Variants in OR13G1 observed in about 807,000 individuals in gnomAD.
The protein encoded by OR13G1 is olfactory receptor 13G1.
For synonymous variants in OR13G1, 128 were observed against 136.2 expected (o/e 0.94, Z 0.42); for missense variants, 369 against 385.7 (o/e 0.96, Z 0.36).
At position 247,672,429 on chromosome 1, in the gene OR13G1, T is replaced by C; in HGVS notation, c.613A>G (p.Ile205Val). The C allele has an allele frequency of 6.2e-7, 1 of 1,614,096 alleles. No homozygotes were observed. Among genetic ancestry groups the C allele is most frequent in the Non-Finnish European group, 8.5e-7 (1 of 1,179,992 alleles). Residue 205 changes from isoleucine (I) to valine (V), a missense_variant, in exon 2 of 2, where the codon ATA becomes GTA. By Grantham distance (29) the Ile-to-Val change is conservative. Transcript: ENST00000642119. ...ATGCAGGTAAGAATAAAGTCCCCTA[T>C]GGCCAGGGTAATATCAGCAACATAC... is the stretch of plus-strand genomic sequence containing the variant. ...MVYVADITLAIGDFILTCISY... is the reference protein window; with the variant it reads ...MVYVADITLAVGDFILTCISY...
rs1399973151 is a variant in OR13G1 at position 247,679,632 on chromosome 1, A to T, written c.-239+8T>A. On this transcript the variant is annotated splice_region_variant and intron_variant, in intron 1 of 1. Coordinates refer to ENST00000642119, the MANE Select transcript of OR13G1 (RefSeq NM_001005487.2). Reference sequence around the variant, plus strand: ...TAAGAATTAGACAGTCTGCCCACAAATACTCACTGTAGTTTTTTGCAGAGT... The same window carrying T: ...TAAGAATTAGACAGTCTGCCCACAATTACTCACTGTAGTTTTTTGCAGAGT... 6.6e-6 allele frequency: 1 copy of T among 152,090 alleles called. No homozygotes were observed. The highest frequency in any genetic ancestry group is 1.5e-5 in the Non-Finnish European group (1 of 68,026). The allele number at this position is 152,090 out of a possible 1,614,324, so 9.4% of individuals were successfully genotyped here. A position where few individuals can be genotyped will look rare whatever the true frequency, so the allele number is the denominator to read the frequency against.
In OR13G1 at chr1:247,673,043, C is replaced by T; in HGVS notation, c.-2G>A. ...CTCAGTTACAACGCTGTGATTCATC[C>T]TGCTTGGGTGATTGAATGGCAGTAA... On this transcript the variant is annotated 5_prime_UTR_variant, in exon 2 of 2. Coordinates refer to ENST00000642119, the MANE Select transcript of OR13G1 (RefSeq NM_001005487.2). 2.5e-6 allele frequency: 4 copies of T among 1,598,984 alleles called. No homozygotes were observed. The highest frequency in any genetic ancestry group is 2.3e-5 in the South Asian group (2 of 88,420).
chr1:247,677,802 G>A (rs1151666), intron 1 of OR13G1, among the ~76,000 whole-genome samples: 76,846 of 151,698 alleles, frequency 0.51, 19,528 homozygotes, highest in Admixed American at 0.61. Flanking sequence ...GAATCATGAG[G>A]ATAAGTTTAA....
At position 247,671,749 on chromosome 1, in the gene OR13G1, C is replaced by T. The variant is rs1659207929; in HGVS notation, c.*369G>A. On this transcript the variant is annotated 3_prime_UTR_variant, in exon 2 of 2. Transcript: ENST00000642119. ...CTTCTCTCCAGCTCACATTCACATA[C>T]CAACAAATAAATGGCACAAAATACA... 9.8e-6 allele frequency: 2 copies of T among 203,914 alleles called. No individual in the cohort carries two copies. Among genetic ancestry groups the T allele is most frequent in the South Asian group, 2.0e-4 (2 of 10,230 alleles). 12.6% of individuals were successfully genotyped at this position (203,914 alleles called of 1,614,324 possible).
Position 247,672,258 on chromosome 1 carries a change from T to G in OR13G1, c.784A>C (p.Ser262Arg), listed in dbSNP as rs754379348. 1 of 1,614,090 alleles carries G rather than the reference T, an allele frequency of 6.2e-7. No homozygotes were observed. The highest frequency in any genetic ancestry group is 8.5e-7 in the Non-Finnish European group (1 of 1,179,990). ...ACCTTGTCTCTTTCAAATGTATAGC[T>G]GGAAGCAGGGCGGATATAGGTGTAG... ...VIYTYIRPASSYTFERDKVVA... is the reference protein window; with the variant it reads ...VIYTYIRPASRYTFERDKVVA... Residue 262 changes from serine to arginine, a missense_variant, in exon 2 of 2, where the codon AGC (serine) becomes CGC (arginine). By Grantham distance (110) the Ser-to-Arg change is moderately radical (BLOSUM62 -1). Transcript: ENST00000642119.
At position 247,672,283 on chromosome 1, in the gene OR13G1, G is replaced by T. The variant is rs1319853896; in HGVS notation, c.759C>A (p.Ile253=). Reference sequence around the variant, plus strand: ...TGGAAGCAGGGCGGATATAGGTGTAGATTACAGGAGAATAGTAAAGGGTCA... The same window carrying T: ...TGGAAGCAGGGCGGATATAGGTGTATATTACAGGAGAATAGTAAAGGGTCA... The part of the protein sequence containing the change: ...TVVTLYYSPV[I]YTYIRPASSY... The change falls in exon 2 of 2, where the codon ATC becomes ATA. Residue 253 remains isoleucine (I), a synonymous_variant. Transcript: ENST00000642119. 4.3e-6 allele frequency: 7 copies of T among 1,613,974 alleles called. No homozygotes were observed. Among genetic ancestry groups the T allele is most frequent in the Non-Finnish European group, 5.9e-6 (7 of 1,180,006 alleles).
chr1:247,679,486 TTGTGTGTGTGTGTGTGTGTGTGTG>T (rs56753299), intron 1 of OR13G1, among the ~76,000 whole-genome samples, 130 bp downstream of exon 1: 2 of 144,520 alleles, frequency 1.4e-5, no homozygotes, highest in Admixed American at 6.9e-5. Flanking sequence ...CGCGGATGGA[TTGTGTGTGTGTGTGTGTGTGTGTG>T]TGTGTGTGTG....
chr1:247,677,221 T>C (rs1176015), intron 1 of OR13G1, among the ~76,000 whole-genome samples: 76,413 of 151,974 alleles, frequency 0.5, 19,287 homozygotes, highest in Admixed American at 0.61. Flanking sequence ...GCAGCCTGGG[T>C]GACAGAGCCA....
chr1:247,671,827 A>T lies in OR13G1; in HGVS notation c.*291T>A. ...TGATGTGCACATGCACATATAGGTA[A>T]ATATTTGTGTATATGCATATATAAG... On this transcript the variant is annotated 3_prime_UTR_variant, in exon 2 of 2. Transcript: ENST00000642119. 1 of 346,518 alleles carries T rather than the reference A, an allele frequency of 2.9e-6. No homozygotes were observed. The allele number at this position is 346,518 out of a possible 1,614,324, so 21.5% of individuals were successfully genotyped here.
At chr1:247,676,798 A>G (rs986916867) in intron 1 of OR13G1, among the ~76,000 whole-genome samples, 12 of 152,206 alleles carry the variant, frequency 7.9e-5, no homozygotes, top group African/African-American at 2.9e-4. Context: ...CTTTATATTT[A>G]CCATTTATAC....
Position 247,670,889 on chromosome 1 carries a change from A to G in OR13G1, c.*1229T>C, listed in dbSNP as rs1053467801. 6.6e-6 allele frequency: 1 copy of G among 152,124 alleles called. No individual in the cohort carries two copies. The allele number at this position is 152,124 out of a possible 1,614,324, so 9.4% of individuals were successfully genotyped here. A position where few individuals can be genotyped will look rare whatever the true frequency, so the allele number is the denominator to read the frequency against. On this transcript the variant is annotated 3_prime_UTR_variant, in exon 2 of 2. Transcript: ENST00000642119. ...AATTGTGGAAATATATTGTAAAAAT[A>G]TGCTTTACTAATCACAGCAAATGAT...
chr1:247,672,995 T>G lies in OR13G1; in HGVS notation c.47A>C (p.Lys16Thr). 1 of 1,613,874 alleles carries G rather than the reference T, an allele frequency of 6.2e-7. No individual in the cohort carries two copies. The highest frequency in any genetic ancestry group is 8.5e-7 in the Non-Finnish European group (1 of 1,179,876). The change falls in exon 2 of 2, where the codon AAA becomes ACA. Residue 16 changes from lysine (K) to threonine (T), a missense_variant. Physicochemically the swap from Lys to Thr is moderately conservative, Grantham distance 78 (BLOSUM62 -1). Coordinates refer to ENST00000642119, the MANE Select transcript of OR13G1 (RefSeq NM_001005487.2). ...GATAATTCCCTGGAGTTCAGGCTTT[T>G]TGGTGAGGCCCAGAATAATGAACTC... is the stretch of plus-strand genomic sequence containing the variant. The part of the protein sequence containing the change: ...VTEFIILGLT[K>T]KPELQGIIFL...
At chr1:247,679,421 A>C (rs916679408) in intron 1 of OR13G1, among the ~76,000 whole-genome samples, 3 of 151,712 alleles carry the variant, frequency 2.0e-5, no homozygotes, top group African/African-American at 7.3e-5. Flanking sequence ...TTGCATCATC[A>C]GTATTTTGAT....
chr1:247,676,769 T>G (rs1469635326), intron 1 of OR13G1, among the ~76,000 whole-genome samples: 1 of 152,240 alleles, frequency 6.6e-6, no homozygotes, highest in Non-Finnish European at 1.5e-5. Flanking sequence ...CCGTGATTTT[T>G]ATTGCTTAGT....
In OR13G1 at chr1:247,670,874, A is replaced by T. The variant is rs1179929228; in HGVS notation, c.*1244T>A. ...CCAACATGTTTTCATAATTGTGGAA[A>T]TATATTGTAAAAATATGCTTTACTA... On this transcript the variant is annotated 3_prime_UTR_variant, in exon 2 of 2. Transcript: ENST00000642119. The T allele has an allele frequency of 6.6e-6, 1 of 152,076 alleles. No homozygotes were observed. Among genetic ancestry groups the T allele is most frequent in the Non-Finnish European group, 1.5e-5 (1 of 67,976 alleles). 9.4% of individuals were successfully genotyped at this position (152,076 alleles called of 1,614,324 possible).
At chr1:247,673,390 A>C in intron 1 of OR13G1, 111 bp from the exon 2 acceptor site, 1 of 235,638 alleles carries the variant, frequency 4.2e-6, no homozygotes, top group South Asian at 7.3e-5. Context: ...ATATATATAC[A>C]CACACATATG....
At chr1:247,676,000 C>G (rs1350300392) in intron 1 of OR13G1, among the ~76,000 whole-genome samples, 2 of 152,100 alleles carry the variant, frequency 1.3e-5, no homozygotes, top group African/African-American at 4.8e-5. Context: ...TTTAATCTAG[C>G]TTAGATTTTC....
chr1:247,677,117 C>A (rs1228969606), intron 1 of OR13G1, among the ~76,000 whole-genome samples: 1 of 152,020 alleles, frequency 6.6e-6, no homozygotes, highest in East Asian at 1.9e-4. Flanking sequence ...AATTAGCCGG[C>A]CTGTAATCCC....
rs769591881 is a variant in OR13G1 at position 247,672,851 on chromosome 1, G to A, written c.191C>T (p.Ala64Val). The A allele has an allele frequency of 6.2e-7, 1 of 1,613,902 alleles. No individual in the cohort carries two copies. The highest frequency in any genetic ancestry group is 1.7e-5 in the Admixed American group (1 of 59,954). Residue 64 changes from alanine to valine, a missense_variant, in exon 2 of 2, where the codon GCT becomes GTT. Coordinates refer to ENST00000642119, the MANE Select transcript of OR13G1 (RefSeq NM_001005487.2). ...TPMYVFLLTL[A>V]VVDIICTTSI... ...TGTTGTGCAGATGATGTCCACAACAGCCAGTGTCAGAAGGAAAACATACAT... is the reference window on the plus strand; with the variant it reads ...TGTTGTGCAGATGATGTCCACAACAACCAGTGTCAGAAGGAAAACATACAT...
Sources: gnomAD v4.1 joint callset for allele counts (sites outside exome capture counted in the v4.1 genomes callset) on GRCh38, gnomAD v4.1.1 for gene constraint, MANE v1.5 for transcripts, NCBI Gene and HGNC (gene_info 2026-07-23, HGNC 2026-07-21) for gene names.